SLC25A26: variants seen among roughly 807,000 people sequenced by gnomAD.
SLC25A26 encodes solute carrier family 25 member 26, also known as mitochondrial S-adenosylmethionine carrier protein.
SLC25A26 carries 36 observed loss-of-function variants against 37.8 expected under a neutral mutation model. That is an observed-to-expected ratio of 0.95 (90% CI 0.73 to 1.26). The LOEUF (loss-of-function observed/expected upper bound fraction) is 1.26, where lower values mean the gene tolerates loss of function less well. Among genes scored for constraint, SLC25A26 ranks in the 50% most tolerant of loss-of-function variants. The pLI is 0.00. For synonymous variants in SLC25A26, 129 were observed against 122.5 expected (o/e 1.05, Z -0.35); for missense variants, 390 against 331.1 (o/e 1.18, Z -1.38).
At chr3:66,157,942 CTGTTTT>C (rs1353986921) in intron 1 of SLC25A26, among the ~76,000 whole-genome samples, 1 of 152,152 alleles carries the variant, frequency 6.6e-6, no homozygotes, top group African/African-American at 2.4e-5. Context: ...GAATTTCTTT[CTGTTTT>C]TGTTTTTGTT....
chr3:66,342,264 T>C (rs1202113764), intron 5 of SLC25A26, among the ~76,000 whole-genome samples: 1 of 152,212 alleles, frequency 6.6e-6, no homozygotes, highest in African/African-American at 2.4e-5. Context: ...TTTAAACGTA[T>C]TGCTAGAGAG....
At chr3:66,195,222 C>T (rs1283325584) in intron 1 of SLC25A26, among the ~76,000 whole-genome samples, 4 of 152,242 alleles carry the variant, frequency 2.6e-5, no homozygotes, top group Admixed American at 1.3e-4. Context: ...CCAGAATCTG[C>T]AGTGGGCAGG....
intron 1 of SLC25A26, among the ~76,000 whole-genome samples, chr3:66,230,666 A>G (rs909799169): frequency 2.6e-5 from 4 of 151,588 alleles, no homozygotes; most frequent in Admixed American, 6.6e-5. Flanking sequence ...TTAGCCGGGC[A>G]TGGTGGCTCA....
intron 1 of SLC25A26, among the ~76,000 whole-genome samples, chr3:66,163,789 A>C (rs1382634094): frequency 1.3e-5 from 2 of 152,200 alleles, no homozygotes; most frequent in African/African-American, 4.8e-5. Context: ...GAAGTTTTGC[A>C]TGACAATTTA....
At chr3:66,187,933 C>G (rs1292653984) in intron 1 of SLC25A26, among the ~76,000 whole-genome samples, 1 of 152,058 alleles carries the variant, frequency 6.6e-6, no homozygotes, top group Admixed American at 6.6e-5. Flanking sequence ...AACTTTTATT[C>G]TCACCCTGAA....
At chr3:66,369,658 A>T in intron 8 of SLC25A26, 116 bp downstream of exon 8, 2 of 857,902 alleles carry the variant, frequency 2.3e-6, no homozygotes, top group South Asian at 1.6e-5. Flanking sequence ...ATAGCATCTT[A>T]TGCTGCCTGT....
chr3:66,370,549 TG>T lies in SLC25A26; in HGVS notation c.657del (p.Asn220MetfsTer89), dbSNP rs1700291758. The T allele has an allele frequency of 6.2e-7, 1 of 1,613,920 alleles. No individual in the cohort carries two copies. Among genetic ancestry groups the T allele is most frequent in the East Asian group, 2.2e-5 (1 of 44,874 alleles). ...LAKAGSSTAD[G>X]NVLSVLHGVW... is the part of the protein sequence containing the mutation. The stretch of plus-strand genomic sequence containing the variant: ...CACAGGCTGGCTCCAGCACTGCTGA[TG>T]GGAATGTGCTCTCTGTCCTGCATGG... On this transcript the variant is annotated frameshift_variant, in exon 9 of 10. Transcript: ENST00000354883. LOFTEE classifies it high-confidence loss of function.
At chr3:66,230,765 A>G (rs1265062615) in intron 1 of SLC25A26, among the ~76,000 whole-genome samples, 1 of 130,712 alleles carries the variant, frequency 7.7e-6, no homozygotes, top group Non-Finnish European at 1.6e-5. Flanking sequence ...AGATCGTGCC[A>G]TTGTACTCCA....
chr3:66,144,792 G>T (rs1289367042), intron 1 of SLC25A26, among the ~76,000 whole-genome samples: 1 of 152,150 alleles, frequency 6.6e-6, no homozygotes, highest in Non-Finnish European at 1.5e-5. Context: ...AACTCATTGA[G>T]TGTCTTTTTA....
At chr3:66,234,363 A>G (rs1393048513) in intron 1 of SLC25A26, among the ~76,000 whole-genome samples, 1 of 152,184 alleles carries the variant, frequency 6.6e-6, no homozygotes, top group Non-Finnish European at 1.5e-5. Context: ...CCCATGACTT[A>G]GGGAAGGCCA....
intron 5 of SLC25A26, among the ~76,000 whole-genome samples, chr3:66,308,804 T>C (rs150170920): frequency 0.011 from 1,626 of 152,340 alleles, 28 homozygotes; most frequent in African/African-American, 0.036. Context: ...ATGTGATTTT[T>C]GTCATTGGTT....
At chr3:66,324,571 C>T (rs1320707000) in intron 5 of SLC25A26, among the ~76,000 whole-genome samples, 6 of 152,058 alleles carry the variant, frequency 3.9e-5, no homozygotes, top group African/African-American at 7.2e-5. Context: ...GTATCTGGTC[C>T]CTAAGCAAGG....
intron 2 of SLC25A26, among the ~76,000 whole-genome samples, chr3:66,241,079 A>C (rs939824221): frequency 6.6e-6 from 1 of 152,134 alleles, no homozygotes; most frequent in South Asian, 2.1e-4. Context: ...TTTCTAGGCT[A>C]TGTGGTTCAT....
chr3:66,300,263 T>TTTTTTTTTTTTTTTTG (rs2075038702), intron 5 of SLC25A26, among the ~76,000 whole-genome samples: 1 of 149,972 alleles, frequency 6.7e-6, no homozygotes, highest in African/African-American at 2.4e-5. Flanking sequence ...TTTGTTTTTT[T>TTTTTTTTTTTTTTTTG]TTTTTTTTTT....
At chr3:66,250,383 C>G (rs1419180628) in intron 3 of SLC25A26, among the ~76,000 whole-genome samples, 1 of 152,174 alleles carries the variant, frequency 6.6e-6, no homozygotes, top group African/African-American at 2.4e-5. Flanking sequence ...AGAAAAGGAA[C>G]TATAGACGGT....
intron 6 of SLC25A26, among the ~76,000 whole-genome samples, chr3:66,358,948 T>C (rs1205260833): frequency 2.6e-5 from 4 of 152,250 alleles, no homozygotes; most frequent in Non-Finnish European, 2.9e-5. Flanking sequence ...CAGTCATTCT[T>C]TACGTCATGC....
At chr3:66,146,308 C>T (rs1053933516) in intron 1 of SLC25A26, among the ~76,000 whole-genome samples, 21 of 151,382 alleles carry the variant, frequency 1.4e-4, no homozygotes, top group Non-Finnish European at 2.9e-4. Flanking sequence ...CCACTGCACT[C>T]CAGCCTGGGT....
intron 5 of SLC25A26, among the ~76,000 whole-genome samples, chr3:66,306,381 T>C (rs1397532803): frequency 1.3e-5 from 2 of 152,364 alleles, no homozygotes; most frequent in East Asian, 3.9e-4. Flanking sequence ...TGAGCTTTTT[T>C]TTCTTATGTT....
chr3:66,336,967 G>A lies in SLC25A26; in HGVS notation c.454-9397G>A, dbSNP rs149197151. 4.1e-3 allele frequency among the ~76,000 whole-genome samples: 617 copies of A among 152,094 alleles called. 2 individuals are homozygous for A. Among genetic ancestry groups the A allele is most frequent in the Non-Finnish European group, 5.1e-3 (347 of 67,948 alleles). ...TACAACTTGTATCTACTGTGACATC[G>A]TATTTTATATTTTGCTAAATCAGAC... On this transcript the variant is annotated intron_variant, in intron 5 of 9. Transcript: ENST00000354883.
Sources: allele counts gnomAD v4.1 joint callset (sites outside exome capture counted in the v4.1 genomes callset), GRCh38; gene constraint gnomAD v4.1.1; transcripts MANE v1.5; gene names NCBI Gene and HGNC (gene_info 2026-07-23, HGNC 2026-07-21).